PHF2: variants seen among roughly 807,000 people sequenced by gnomAD.
PHF2 encodes the protein lysine-specific demethylase PHF2.
A neutral mutation model predicts 120.5 loss-of-function variants in PHF2; 27 were observed. The ratio of observed to expected loss-of-function variants is 0.22; its 90% CI spans 0.17 to 0.31. PHF2 has a LOEUF of 0.31. PHF2 is among the 10% of genes least tolerant of loss of function. PHF2 has a pLI of 1.00. For synonymous variants in PHF2, 568 were observed against 592.5 expected (o/e 0.96, Z 0.60); for missense variants, 1,024 against 1,434.8 (o/e 0.71, Z 4.63).
At chr9:93,642,544 T>A (rs1826187841) in intron 3 of PHF2, among the ~76,000 whole-genome samples, 2 of 152,244 alleles carry the variant, frequency 1.3e-5, no homozygotes, top group Admixed American at 1.3e-4. Flanking sequence ...TGAAAGCTGT[T>A]TTTCTTTAAT....
chr9:93,674,199 C>T (rs1166602355), intron 18 of PHF2, among the ~76,000 whole-genome samples: 6 of 152,090 alleles, frequency 3.9e-5, no homozygotes, highest in South Asian at 2.1e-4. Flanking sequence ...GGGCATTCCT[C>T]GACAGGCCCC....
At chr9:93,653,462 C>A in intron 6 of PHF2, 97 bp downstream of exon 6, 2 of 1,298,466 alleles carry the variant, frequency 1.5e-6, no homozygotes, top group South Asian at 1.3e-5. Context: ...GGCCAGGATG[C>A]GACTCCCCAG....
At chr9:93,581,947 G>T (rs1862938054) in intron 1 of PHF2, among the ~76,000 whole-genome samples, 2 of 152,198 alleles carry the variant, frequency 1.3e-5, no homozygotes, top group South Asian at 4.1e-4. Context: ...GAAATTCAGG[G>T]TGTGGGTAAA....
chr9:93,620,774 C>T (rs1825812155), intron 1 of PHF2, among the ~76,000 whole-genome samples: 1 of 152,186 alleles, frequency 6.6e-6, no homozygotes, highest in East Asian at 1.9e-4. Flanking sequence ...AAATATTTTC[C>T]ATTTTTCTGT....
At chr9:93,651,640 C>G (rs1276653437) in intron 5 of PHF2, among the ~76,000 whole-genome samples, 1 of 152,164 alleles carries the variant, frequency 6.6e-6, no homozygotes, top group African/African-American at 2.4e-5. Flanking sequence ...GAGATGCCTG[C>G]TCTGTGGCAG....
intron 1 of PHF2, among the ~76,000 whole-genome samples, chr9:93,624,119 T>G (rs1372005182): frequency 6.6e-6 from 1 of 152,264 alleles, no homozygotes; most frequent in East Asian, 1.9e-4. Context: ...CTACCTCAAT[T>G]TCCCTATTGT....
At chr9:93,607,855 A>G (rs1199339057) in intron 1 of PHF2, among the ~76,000 whole-genome samples, 2 of 152,062 alleles carry the variant, frequency 1.3e-5, no homozygotes, top group Non-Finnish European at 2.9e-5. Flanking sequence ...CATCCTTGCT[A>G]TATAATTGCT....
At chr9:93,663,118 AATGTGCAGAC>A in intron 13 of PHF2, 92 bp downstream of exon 13, 6 of 1,540,184 alleles carry the variant, frequency 3.9e-6, no homozygotes, top group Non-Finnish European at 5.3e-6. Context: ...TGTGTGAAGG[AATGTGCAGAC>A]ATGTGTCTGC....
chr9:93,674,140 G>A (rs183844596), intron 18 of PHF2, among the ~76,000 whole-genome samples: 111 of 152,268 alleles, frequency 7.3e-4, no homozygotes, highest in African/African-American at 2.6e-3. Flanking sequence ...GGGCTCTGGA[G>A]GTGTGTGGCA....
intron 2 of PHF2, among the ~76,000 whole-genome samples, chr9:93,631,945 A>G (rs918191753): frequency 6.6e-6 from 1 of 151,844 alleles, no homozygotes; most frequent in African/African-American, 2.4e-5. Context: ...GTCAGCATAC[A>G]TTTCAAGGGG....
chr9:93,584,886 T>C (rs1863007540), intron 1 of PHF2, among the ~76,000 whole-genome samples: 1 of 152,214 alleles, frequency 6.6e-6, no homozygotes, highest in Non-Finnish European at 1.5e-5. Flanking sequence ...TTTCACTTAT[T>C]TGTGTCTTCT....
Position 93,677,556 on chromosome 9 carries a change from C to T in PHF2, c.3203-32C>T, listed in dbSNP as rs1826941254. On this transcript the variant is annotated intron_variant, in intron 21 of 21. Coordinates refer to ENST00000359246, the MANE Select transcript of PHF2 (RefSeq NM_005392.4). The surrounding 1 kb of genome is among the most constrained non-coding windows in gnomAD (Gnocchi z 4.4). ...CGCCCCTTGCCATCTAGCTTACCTTCCCTTTTTGTGTCCCCTCCCCGACTC... is the reference window on the plus strand; with the variant it reads ...CGCCCCTTGCCATCTAGCTTACCTTTCCTTTTTGTGTCCCCTCCCCGACTC... The T allele has an allele frequency of 1.3e-6, 2 of 1,578,026 alleles. No individual in the cohort carries two copies. Among genetic ancestry groups the T allele is most frequent in the East Asian group, 2.2e-5 (1 of 44,694 alleles).
chr9:93,623,976 G>T (rs539080485), intron 1 of PHF2, among the ~76,000 whole-genome samples: 41 of 152,290 alleles, frequency 2.7e-4, no homozygotes, highest in Non-Finnish European at 5.0e-4. Flanking sequence ...TGTTCACTCC[G>T]GGCCAGGCCC....
chr9:93,617,158 C>T (rs1289154154), intron 1 of PHF2, among the ~76,000 whole-genome samples: 1 of 152,210 alleles, frequency 6.6e-6, no homozygotes, highest in African/African-American at 2.4e-5. Context: ...TCATTCCTGG[C>T]TGGGCTTCTG....
intron 5 of PHF2, among the ~76,000 whole-genome samples, chr9:93,649,628 A>T (rs987883412): frequency 6.6e-6 from 1 of 151,568 alleles, no homozygotes. Context: ...CGGACACACA[A>T]CATTCACGCT....
At chr9:93,596,925 A>ATTT (rs1158735768) in intron 1 of PHF2, among the ~76,000 whole-genome samples, 2 of 88,522 alleles carry the variant, frequency 2.3e-5, no homozygotes, top group African/African-American at 9.3e-5. Flanking sequence ...CGCCCAGCTA[A>ATTT]TTTTTTTTTT....
rs1353504034 is a variant in PHF2 at position 93,676,782 on chromosome 9, C to T, written c.3021C>T (p.Gly1007=). 6.4e-7 allele frequency: 1 copy of T among 1,551,998 alleles called. No homozygotes were observed. Among genetic ancestry groups the T allele is most frequent in the Non-Finnish European group, 8.7e-7 (1 of 1,147,638 alleles). The change falls in exon 21 of 22, where the codon GGC becomes GGT. Residue 1007 remains glycine (G), a synonymous_variant. Transcript: ENST00000359246. ...STASSQASQE[G]SSPEPPPESH... ...CCAGCAGCCAGGCCTCGCAGGAGGG[C>T]AGCTCGCCAGAGCCCCCGCCTGAGT...
intron 1 of PHF2, among the ~76,000 whole-genome samples, chr9:93,605,578 A>C (rs1401556452): frequency 6.6e-6 from 1 of 152,238 alleles, no homozygotes; most frequent in African/African-American, 2.4e-5. Flanking sequence ...CCTTTTGCAG[A>C]ATGTCATGTA....
chr9:93,621,639 G>C (rs1267704372), intron 1 of PHF2, among the ~76,000 whole-genome samples: 1 of 152,218 alleles, frequency 6.6e-6, no homozygotes, highest in East Asian at 1.9e-4. Context: ...GTGAGGACTG[G>C]ATCCCCACCT....
Sources: allele counts gnomAD v4.1 joint callset (sites outside exome capture counted in the v4.1 genomes callset), GRCh38; gene constraint gnomAD v4.1.1; non-coding constraint Gnocchi (gnomAD v3.1); transcripts MANE v1.5; gene names NCBI Gene and HGNC (gene_info 2026-07-23, HGNC 2026-07-21).